Variants in TMC1 observed in about 807,000 individuals in gnomAD.
The protein encoded by TMC1 is transmembrane channel-like protein 1.
TMC1 carries 84 observed loss-of-function variants against 105.8 expected under a neutral mutation model. That is an observed-to-expected ratio of 0.79 (90% CI 0.67 to 0.95). TMC1 has a LOEUF of 0.95. Ranked by LOEUF, TMC1 falls within the 40% of genes least tolerant of loss-of-function variation. The pLI is 0.00. For missense variants in TMC1, 817 were observed against 914.1 expected (o/e 0.89, Z 1.37); for synonymous variants, 315 against 311.5 (o/e 1.01, Z -0.12).
chr9:72,619,439 G>A (rs1033287812), intron 3 of TMC1, among the ~76,000 whole-genome samples: 2 of 151,996 alleles, frequency 1.3e-5, no homozygotes, highest in Non-Finnish European at 2.9e-5. Context: ...AAAATATTAT[G>A]CATGCAGTAT....
chr9:72,650,872 TTATATATATAGATATATAGATA>T, intron 5 of TMC1, among the ~76,000 whole-genome samples: 1 of 119,876 alleles, frequency 8.3e-6, no homozygotes, highest in Non-Finnish European at 1.7e-5. Context: ...ATGGTGTATT[TTATATATATAGATATATAGATA>T]TATATATAAA....
intron 4 of TMC1, among the ~76,000 whole-genome samples, chr9:72,632,386 G>A (rs1484034740): frequency 6.6e-6 from 1 of 152,106 alleles, no homozygotes; most frequent in Non-Finnish European, 1.5e-5. Context: ...GACTTGGAGA[G>A]GACAGAACAT....
intron 7 of TMC1, among the ~76,000 whole-genome samples, chr9:72,699,413 T>A (rs72733030): frequency 0.1 from 15,343 of 152,122 alleles, 874 homozygotes; most frequent in Non-Finnish European, 0.14. Flanking sequence ...GAGAAATAGA[T>A]TTTTATTTTT....
At chr9:72,829,853 T>C (rs982487218) in intron 21 of TMC1, among the ~76,000 whole-genome samples, 1 of 152,250 alleles carries the variant, frequency 6.6e-6, no homozygotes, top group Non-Finnish European at 1.5e-5. Flanking sequence ...ATTTGCCCTT[T>C]CTAGAATGTA....
At chr9:72,643,265 C>T (rs941720379) in intron 4 of TMC1, among the ~76,000 whole-genome samples, 1 of 152,014 alleles carries the variant, frequency 6.6e-6, no homozygotes, top group Non-Finnish European at 1.5e-5. Context: ...CATTTGGGCC[C>T]ATGCATGGCT....
In TMC1 at chr9:72,568,225, C is replaced by T. The variant is rs139924592; in HGVS notation, c.-427-9677C>T. Among the ~76,000 whole-genome samples, 247 of 152,228 alleles carry T rather than the reference C, an allele frequency of 1.6e-3. 1 individual carries two copies. Among genetic ancestry groups the T allele is most frequent in the African/African-American group, 5.7e-3 (235 of 41,552 alleles). On this transcript the variant is annotated intron_variant, in intron 1 of 23. Transcript: ENST00000297784. ...ACCCCCCAAACTGAACTTGCCTCTT[C>T]AACACACTCCCTTGTGCCCTATAGA...
chr9:72,835,905 C>CTG, intron 23 of TMC1, 46 bp from the exon 24 acceptor site: 1 of 1,576,284 alleles, frequency 6.3e-7, no homozygotes. Flanking sequence ...TCTTCTCTCT[C>CTG]TCTCTCCTTG....
At position 72,794,855 on chromosome 9, in the gene TMC1, C is replaced by G. The variant is rs562821877; in HGVS notation, c.1566+2503C>G. Among the ~76,000 whole-genome samples, 3 of 152,218 alleles carry G rather than the reference C, an allele frequency of 2.0e-5. No individual in the cohort carries two copies. In the South Asian group the frequency reaches 6.2e-4, roughly 32 times the overall value. On this transcript the variant is annotated intron_variant, in intron 17 of 23. Coordinates refer to ENST00000297784, the MANE Select transcript of TMC1 (RefSeq NM_138691.3). Reference sequence around the variant, plus strand: ...ATTGAGATTCAGAAGAATGGCAAAACCCAATCCAAGGAAAATAAGAATCAC... The same window carrying G: ...ATTGAGATTCAGAAGAATGGCAAAAGCCAATCCAAGGAAAATAAGAATCAC...
rs1020949700 is a variant in TMC1, at chr9:72,743,703, G to A, written c.535+1178G>A. Among the ~76,000 whole-genome samples the A allele has an allele frequency of 1.1e-4, 17 of 151,726 alleles. No homozygotes were observed. The South Asian group carries it at 1.9e-3, about 17-fold the overall frequency. On this transcript the variant is annotated intron_variant, in intron 10 of 23. Transcript: ENST00000297784. ...ATTCACATTGTGCCTTTATTTTGTAGAATATTCATAGGAAGGAAGGAAGGA... is the reference window on the plus strand; with the variant it reads ...ATTCACATTGTGCCTTTATTTTGTAAAATATTCATAGGAAGGAAGGAAGGA...
intron 4 of TMC1, among the ~76,000 whole-genome samples, chr9:72,645,929 A>C (rs1825704558): frequency 6.6e-6 from 1 of 152,172 alleles, no homozygotes; most frequent in Non-Finnish European, 1.5e-5. Flanking sequence ...TTGCTTACAA[A>C]AGTGTCTTAA....
intron 1 of TMC1, among the ~76,000 whole-genome samples, chr9:72,535,966 C>T (rs1823575560): frequency 6.6e-6 from 1 of 152,184 alleles, no homozygotes; most frequent in Non-Finnish European, 1.5e-5. Context: ...TAGGCCCCAC[C>T]TCCAACATTG....
At chr9:72,700,375 T>G in intron 7 of TMC1, 143 bp from the exon 8 acceptor site, 1 of 526,472 alleles carries the variant, frequency 1.9e-6, no homozygotes, top group Non-Finnish European at 3.3e-6. Flanking sequence ...CAGATTTGAG[T>G]TCTCATGCTT....
chr9:72,808,499 C>T (rs1828640317), intron 18 of TMC1, among the ~76,000 whole-genome samples: 1 of 152,186 alleles, frequency 6.6e-6, no homozygotes, highest in Non-Finnish European at 1.5e-5. Context: ...TGACATTACT[C>T]TTGTAAAATG....
At chr9:72,655,744 AAAAAAAAAATCATTC>A in intron 5 of TMC1, 2 of 483,000 alleles carry the variant, frequency 4.1e-6, no homozygotes, top group East Asian at 7.1e-5. Flanking sequence ...TCCGTATCAA[AAAAAAAAAATCATTC>A]AAAAGATTAC....
chr9:72,534,895 A>C (rs887781888), intron 1 of TMC1, among the ~76,000 whole-genome samples: 1 of 152,252 alleles, frequency 6.6e-6, no homozygotes, highest in African/African-American at 2.4e-5. Context: ...TTCAAAGATA[A>C]AGGCAAATAA....
At chr9:72,668,359 C>T (rs1280225161) in intron 5 of TMC1, among the ~76,000 whole-genome samples, 1 of 152,168 alleles carries the variant, frequency 6.6e-6, no homozygotes, top group African/African-American at 2.4e-5. Flanking sequence ...TGAGAATAAT[C>T]CTGTGCTCCT....
At chr9:72,594,945 A>T (rs553127792) in intron 2 of TMC1, among the ~76,000 whole-genome samples, 1 of 151,544 alleles carries the variant, frequency 6.6e-6, no homozygotes, top group African/African-American at 2.4e-5. Context: ...GGCTCACTGC[A>T]AGCTCCGCCT....
chr9:72,821,033 T>C lies in TMC1; in HGVS notation c.1955T>C (p.Leu652Ser). Residue 652 changes from leucine (L) to serine (S), a missense_variant, in exon 20 of 24, where the codon TTG (leucine) becomes TCG (serine). Coordinates refer to ENST00000297784, the MANE Select transcript of TMC1 (RefSeq NM_138691.3). ...CTCTTCCTGTCCACAATGCCTGTCT[T>C]GTACATGATCGTGTCCCTCCCACCA... ...LILFLSTMPV[L>S]YMIVSLPPSF... 6.2e-7 allele frequency: 1 copy of C among 1,614,202 alleles called. No homozygotes were observed.
At chr9:72,802,660 CAG>C (rs1275741588) in intron 17 of TMC1, among the ~76,000 whole-genome samples, 1 of 151,980 alleles carries the variant, frequency 6.6e-6, no homozygotes, top group Non-Finnish European at 1.5e-5. Context: ...GACCATGTAC[CAG>C]AATCTCTGGG....
Sources: allele counts gnomAD v4.1 joint callset (sites outside exome capture counted in the v4.1 genomes callset), GRCh38; gene constraint gnomAD v4.1.1; transcripts MANE v1.5; gene names NCBI Gene and HGNC (gene_info 2026-07-23, HGNC 2026-07-21).